Variants in COTL1 observed in about 807,000 individuals in gnomAD.
COTL1 encodes the protein coactosin-like protein.
COTL1 carries 15 observed loss-of-function variants against 16.5 expected under a neutral mutation model. The observed-to-expected ratio is 0.91, with a 90% CI of 0.61 to 1.40. The LOEUF (loss-of-function observed/expected upper bound fraction) is 1.40, where lower values mean the gene tolerates loss of function less well. Ranked by LOEUF, COTL1 falls within the 40% of genes most tolerant of loss-of-function variation. The pLI is 0.00. For missense variants in COTL1, 220 were observed against 201.5 expected (o/e 1.09, Z -0.56); for synonymous variants, 112 against 85.3 (o/e 1.31, Z -1.73).
At position 84,590,848 on chromosome 16, in the gene COTL1, G is replaced by T. The variant is rs563081659; in HGVS notation, c.161-586C>A. 6.6e-6 allele frequency among the ~76,000 whole-genome samples: 1 copy of T among 152,124 alleles called. No individual in the cohort carries two copies. The highest frequency in any genetic ancestry group is 1.5e-5 in the Non-Finnish European group (1 of 68,012). On this transcript the variant is annotated intron_variant, in intron 2 of 3. Coordinates refer to ENST00000262428, the MANE Select transcript of COTL1 (RefSeq NM_021149.5). The surrounding 1 kb of genome is among the most constrained non-coding windows in gnomAD (Gnocchi z 5.5). ...CTGTAGAGAGACAGGAGGGGCAAGGGGGGTGCTGGGTATGAAGAGGAAACA... is the reference window on the plus strand; with the variant it reads ...CTGTAGAGAGACAGGAGGGGCAAGGTGGGTGCTGGGTATGAAGAGGAAACA...
chr16:84,589,370 AC>A (rs1336020156), intron 3 of COTL1, among the ~76,000 whole-genome samples: 2 of 152,060 alleles, frequency 1.3e-5, no homozygotes, highest in Non-Finnish European at 2.9e-5. Flanking sequence ...GGGCAGTGGT[AC>A]CCCCCGCCCT....
intron 3 of COTL1, among the ~76,000 whole-genome samples, chr16:84,578,645 ACACACACAGGCATGCACC>A (rs1226480378): frequency 6.6e-6 from 1 of 152,046 alleles, no homozygotes. Context: ...AGGCATACAC[ACACACACAGGCATGCACC>A]CACACAAGTG....
chr16:84,607,935 A>C (rs1340842887), intron 2 of COTL1, among the ~76,000 whole-genome samples: 1 of 152,220 alleles, frequency 6.6e-6, no homozygotes, highest in Non-Finnish European at 1.5e-5. Context: ...CAGCAGCAGA[A>C]GGAAGTGAGA....
rs1394042061 is a variant in COTL1 at position 84,590,466 on chromosome 16, G to C, written c.161-204C>G. On this transcript the variant is annotated intron_variant, in intron 2 of 3. Coordinates refer to ENST00000262428, the MANE Select transcript of COTL1 (RefSeq NM_021149.5). This position sits in a 1 kb window ranked among gnomAD's most constrained non-coding sequence, Gnocchi z 5.5. ...CACACTCCCCTGAATCCTGGCAACA[G>C]TGCTGCAGGCTTCATGCCCATTTCA... The C allele has an allele frequency of 1.4e-5, 7 of 493,192 alleles. No individual in the cohort carries two copies. The highest frequency in any genetic ancestry group is 1.1e-5 in the Non-Finnish European group (3 of 281,126). 30.6% of individuals were successfully genotyped at this position (493,192 alleles called of 1,614,324 possible).
chr16:84,566,779 G>T lies in COTL1; in HGVS notation c.*66C>A. 1 of 1,111,768 alleles carries T rather than the reference G, an allele frequency of 9.0e-7. No homozygotes were observed. The highest frequency in any genetic ancestry group is 1.4e-6 in the Non-Finnish European group (1 of 734,178). 68.9% of individuals were successfully genotyped at this position (1,111,768 alleles called of 1,614,324 possible). A position where few individuals can be genotyped will look rare whatever the true frequency, so the allele number is the denominator to read the frequency against. On this transcript the variant is annotated 3_prime_UTR_variant, in exon 4 of 4. Transcript: ENST00000262428. ...GGCTGGTGGGCTAGTAGCTGAGGCCGGCGGTCCTCTCCCCCGGGGAGCAGG... is the reference window on the plus strand; with the variant it reads ...GGCTGGTGGGCTAGTAGCTGAGGCCTGCGGTCCTCTCCCCCGGGGAGCAGG...
chr16:84,604,906 G>A (rs1417038788), intron 2 of COTL1, among the ~76,000 whole-genome samples: 3 of 152,340 alleles, frequency 2.0e-5, no homozygotes, highest in South Asian at 4.1e-4. Context: ...AGCCAGAAAC[G>A]GGGAGAAAAG....
chr16:84,617,606 A>AAC (rs1555525151), intron 1 of COTL1, 23 bp from the exon 2 acceptor site: 34 of 1,547,674 alleles, frequency 2.2e-5, no homozygotes, highest in Admixed American at 1.6e-4. Context: ...AGAAGAAAAA[A>AAC]ACACACACAC....
intron 3 of COTL1, among the ~76,000 whole-genome samples, chr16:84,577,853 G>A (rs1322952853): frequency 6.6e-6 from 1 of 152,162 alleles, no homozygotes; most frequent in Non-Finnish European, 1.5e-5. Flanking sequence ...AGAGGCGGCT[G>A]TTCCTATGCC....
At chr16:84,617,659 C>G (rs1187984337) in intron 1 of COTL1, 76 bp from the exon 2 acceptor site, 2 of 1,467,978 alleles carry the variant, frequency 1.4e-6, no homozygotes, top group African/African-American at 2.8e-5. Flanking sequence ...TTGCAGAGGA[C>G]AATCTAACAG....
intron 2 of COTL1, among the ~76,000 whole-genome samples, chr16:84,616,879 A>C (rs1433757239): frequency 2.0e-5 from 3 of 152,352 alleles, no homozygotes; most frequent in Non-Finnish European, 4.4e-5. Flanking sequence ...AGCTCCCAGC[A>C]GTCCGGGTGG....
chr16:84,570,898 T>C (rs1904325277), intron 3 of COTL1, among the ~76,000 whole-genome samples: 1 of 151,948 alleles, frequency 6.6e-6, no homozygotes, highest in Non-Finnish European at 1.5e-5. Context: ...CGTTTCCAAT[T>C]TATCCTCAGG....
At chr16:84,575,532 A>G (rs1402728286) in intron 3 of COTL1, 2 of 151,274 alleles carry the variant, frequency 1.3e-5, no homozygotes, top group East Asian at 3.9e-4. Flanking sequence ...TCATTTTTGT[A>G]TTTTTATTAG....
intron 2 of COTL1, among the ~76,000 whole-genome samples, chr16:84,604,242 C>A (rs1567539297): frequency 1.2e-5 from 1 of 81,040 alleles, no homozygotes; most frequent in South Asian, 4.4e-4. Context: ...ACGGTCCCCA[C>A]CCCCTGCTCC....
At chr16:84,595,327 C>A (rs1904975210) in intron 2 of COTL1, 1 of 151,976 alleles carries the variant, frequency 6.6e-6, no homozygotes, top group Non-Finnish European at 1.5e-5. Context: ...GTTATGCTTA[C>A]AAATGTTTGC....
chr16:84,617,549 G>C lies in COTL1; in HGVS notation c.112C>G (p.Pro38Ala). 1.3e-6 allele frequency: 2 copies of C among 1,558,418 alleles called. No individual in the cohort carries two copies. Among genetic ancestry groups the C allele is most frequent in the Non-Finnish European group, 1.7e-6 (2 of 1,150,458 alleles). Residue 38 changes from proline to alanine, a missense_variant, in exon 2 of 4, where the codon CCC becomes GCC. By Grantham distance (27) the Pro-to-Ala change is conservative. Transcript: ENST00000262428. ...TFKYDGSTIVPGEQGAEYQHF... is the reference protein window; with the variant it reads ...TFKYDGSTIVAGEQGAEYQHF... The stretch of plus-strand genomic sequence containing the variant: ...TGGTACTCCGCTCCCTGCTCGCCGG[G>C]GACGATGGTGGAGCCGTCATATTTA...
At chr16:84,567,324 AAAT>A (rs1904303192) in intron 3 of COTL1, 1 of 188,916 alleles carries the variant, frequency 5.3e-6, no homozygotes, top group Non-Finnish European at 1.1e-5. Context: ...CTCGTCAGGA[AAAT>A]AATAGGTTAC....
chr16:84,611,640 C>G (rs902344201), intron 2 of COTL1, among the ~76,000 whole-genome samples: 1 of 151,984 alleles, frequency 6.6e-6, no homozygotes, highest in East Asian at 1.9e-4. Context: ...TCCCATATGT[C>G]GAATGAATTA....
chr16:84,573,344 C>G (rs1560250), intron 3 of COTL1, among the ~76,000 whole-genome samples: 1 of 152,112 alleles, frequency 6.6e-6, no homozygotes, highest in Non-Finnish European at 1.5e-5. Flanking sequence ...AGACAGAACA[C>G]GAAAGCGTCT....
At position 84,580,055 on chromosome 16, in the gene COTL1, C is replaced by T. The variant is rs7206212; in HGVS notation, c.318+10050G>A. ...CACCACAGCGTCCGGAGGCCAGCTG[C>T]TGGCAGGTGCCTGGGGCAGGTACCA... On this transcript the variant is annotated intron_variant, in intron 3 of 3. Transcript: ENST00000262428. 1.9e-3 allele frequency among the ~76,000 whole-genome samples: 293 copies of T among 152,362 alleles called. 1 individual carries two copies. Among genetic ancestry groups the T allele is most frequent in the African/African-American group, 6.7e-3 (279 of 41,596 alleles).
Sources: gnomAD v4.1 joint callset for allele counts (sites outside exome capture counted in the v4.1 genomes callset) on GRCh38, gnomAD v4.1.1 for gene constraint, Gnocchi (gnomAD v3.1) non-coding constraint, MANE v1.5 for transcripts, NCBI Gene and HGNC (gene_info 2026-07-23, HGNC 2026-07-21) for gene names.